SEMA3A: variants seen among roughly 807,000 people sequenced by gnomAD.
SEMA3A encodes the protein semaphorin 3A.
Under a neutral mutation model 97.9 loss-of-function variants are expected in SEMA3A, and 29 were observed. The ratio of observed to expected loss-of-function variants is 0.30; its 90% CI spans 0.22 to 0.40. The LOEUF is 0.40. Ranked by LOEUF, SEMA3A falls within the 10% of genes least tolerant of loss-of-function variation. The pLI is 1.00. For missense variants in SEMA3A, 763 were observed against 951.3 expected, an observed-to-expected ratio of 0.80 and a Z score of 2.60; for synonymous variants, 321 against 323.7, an observed-to-expected ratio of 0.99 and a Z score of 0.09.
At chr7:84,412,193 G>C (rs1804288990) in intron 1 of SEMA3A, among the ~76,000 whole-genome samples, 1 of 152,122 alleles carries the variant, frequency 6.6e-6, no homozygotes, top group Admixed American at 6.6e-5. Context: ...CCACATACAA[G>C]GATCATGCAT....
chr7:83,974,335 A>G (rs1429918655), intron 15 of SEMA3A, among the ~76,000 whole-genome samples: 5 of 152,128 alleles, frequency 3.3e-5, no homozygotes, highest in Admixed American at 3.3e-4. Flanking sequence ...TTTCATCTAA[A>G]GTGAAATTTC....
chr7:84,184,423 T>G (rs1797816465), intron 1 of SEMA3A, among the ~76,000 whole-genome samples: 1 of 152,172 alleles, frequency 6.6e-6, no homozygotes, highest in East Asian at 1.9e-4. Flanking sequence ...CGGGAGAGCC[T>G]AGCTTGAGAT....
At chr7:84,300,042 A>T (rs1800970724) in intron 3 of SEMA3A, among the ~76,000 whole-genome samples, 1 of 149,106 alleles carries the variant, frequency 6.7e-6, no homozygotes, top group Non-Finnish European at 1.5e-5. Context: ...CAAAAAAAAA[A>T]AAAAAAAAAG....
At chr7:84,480,451 T>C (rs939069544) in intron 1 of SEMA3A, among the ~76,000 whole-genome samples, 1 of 152,226 alleles carries the variant, frequency 6.6e-6, no homozygotes, top group Non-Finnish European at 1.5e-5. Context: ...AATTTCAAAA[T>C]GTTTAGAGCA....
chr7:84,412,281 C>T (rs1804291425), intron 1 of SEMA3A, among the ~76,000 whole-genome samples: 1 of 152,152 alleles, frequency 6.6e-6, no homozygotes, highest in South Asian at 2.1e-4. Flanking sequence ...TTGCACAGCA[C>T]ATTCTTCTCC....
intron 14 of SEMA3A, among the ~76,000 whole-genome samples, chr7:83,978,974 CAT>C (rs1466454167): frequency 1.3e-5 from 2 of 152,100 alleles, no homozygotes; most frequent in South Asian, 2.1e-4. Context: ...TATGTAATAA[CAT>C]ATAGGTTTTA....
In SEMA3A at chr7:84,009,406, A is replaced by G. The variant is rs1475520576; in HGVS notation, c.995+1616T>C. Among the ~76,000 whole-genome samples the G allele has an allele frequency of 3.3e-5, 5 of 152,320 alleles. No individual in the cohort carries two copies. In the East Asian group the frequency reaches 9.6e-4, roughly 29 times the overall value. ...TAGGAATATGGATTCCTTAATTTTT[A>G]TGTGATTTTAAAAAATTATTGAGTA... On this transcript the variant is annotated intron_variant, in intron 9 of 16. Coordinates refer to ENST00000265362, the MANE Select transcript of SEMA3A (RefSeq NM_006080.3).
At chr7:84,150,479 G>A (rs559462330) in intron 1 of SEMA3A, among the ~76,000 whole-genome samples, 5 of 152,278 alleles carry the variant, frequency 3.3e-5, no homozygotes, top group African/African-American at 4.8e-5. Flanking sequence ...AAGGGGTGAC[G>A]GACGGCACCT....
In SEMA3A at chr7:84,005,520, C is replaced by T; in HGVS notation, c.1179G>A (p.Lys393=). 1 of 1,613,880 alleles carries T rather than the reference C, an allele frequency of 6.2e-7. No individual in the cohort carries two copies. The highest frequency in any genetic ancestry group is 8.5e-7 in the Non-Finnish European group (1 of 1,179,892). The change falls in exon 11 of 17, where the codon AAG becomes AAA. Residue 393 remains lysine (K), a synonymous_variant. Coordinates refer to ENST00000265362, the MANE Select transcript of SEMA3A (RefSeq NM_006080.3). ...AGGTTATAACATCATCAGGAAGGTC[C>T]TTTGTAGAGTCAAAACCACCAAATG... The part of the protein sequence containing the change: ...SKTFGGFDST[K]DLPDDVITFA...
chr7:84,253,285 T>C (rs1799649013), intron 3 of SEMA3A, among the ~76,000 whole-genome samples: 1 of 152,066 alleles, frequency 6.6e-6, no homozygotes, highest in Non-Finnish European at 1.5e-5. Context: ...GGCATCTACC[T>C]TGAAGGGTTT....
intron 2 of SEMA3A, among the ~76,000 whole-genome samples, chr7:84,358,763 C>A (rs1485027188): frequency 1.3e-5 from 2 of 152,118 alleles, no homozygotes; most frequent in Non-Finnish European, 2.9e-5. Flanking sequence ...TTCTTCCTAT[C>A]CATGAGCATG....
chr7:84,082,194 T>C (rs1794189596), intron 4 of SEMA3A, among the ~76,000 whole-genome samples: 1 of 152,200 alleles, frequency 6.6e-6, no homozygotes, highest in African/African-American at 2.4e-5. Flanking sequence ...ATCCTAGTGA[T>C]ATTGACATGT....
intron 3 of SEMA3A, among the ~76,000 whole-genome samples, chr7:84,244,349 G>A (rs1056532884): frequency 1.2e-4 from 18 of 152,092 alleles, no homozygotes; most frequent in Non-Finnish European, 2.2e-4. Flanking sequence ...TATAATGCCC[G>A]TCTTTGTCTT....
At chr7:84,346,860 G>T (rs562699252) in intron 2 of SEMA3A, among the ~76,000 whole-genome samples, 1 of 152,260 alleles carries the variant, frequency 6.6e-6, no homozygotes, top group African/African-American at 2.4e-5. Context: ...GCCAGAAACC[G>T]CTGGTTTGTA....
At chr7:84,332,223 C>A (rs935909120) in intron 2 of SEMA3A, among the ~76,000 whole-genome samples, 3 of 151,926 alleles carry the variant, frequency 2.0e-5, no homozygotes, top group African/African-American at 2.4e-5. Context: ...CAGAATATTA[C>A]AAATAAACCC....
intron 1 of SEMA3A, among the ~76,000 whole-genome samples, chr7:84,402,409 G>GTTATGGAAT (rs1562933930): frequency 6.6e-6 from 1 of 152,102 alleles, no homozygotes; most frequent in African/African-American, 2.4e-5. Context: ...ATATAAATTA[G>GTTATGGAAT]TACAGCCATT....
chr7:84,380,026 T>C (rs921669086), intron 1 of SEMA3A, among the ~76,000 whole-genome samples: 3 of 152,184 alleles, frequency 2.0e-5, no homozygotes, highest in Admixed American at 6.5e-5. Flanking sequence ...GAAATCTTAT[T>C]TCTATGAACT....
chr7:84,283,574 A>C (rs1800505374), intron 3 of SEMA3A, among the ~76,000 whole-genome samples: 1 of 152,170 alleles, frequency 6.6e-6, no homozygotes, highest in African/African-American at 2.4e-5. Flanking sequence ...TGTGGCAAAA[A>C]AAAAAGAGGA....
At chr7:84,477,383 G>A (rs1806318217) in intron 1 of SEMA3A, among the ~76,000 whole-genome samples, 1 of 136,916 alleles carries the variant, frequency 7.3e-6, no homozygotes, top group Non-Finnish European at 1.5e-5. Context: ...AAGTTGCAGT[G>A]AGCCGAGATC....
Sources: allele counts gnomAD v4.1 joint callset (sites outside exome capture counted in the v4.1 genomes callset), GRCh38; gene constraint gnomAD v4.1.1; transcripts MANE v1.5; gene names NCBI Gene and HGNC (gene_info 2026-07-23, HGNC 2026-07-21).